Variants in GTF2E2 observed in about 807,000 individuals in gnomAD.
GTF2E2 encodes transcription initiation factor IIE subunit beta.
In GTF2E2, 21 loss-of-function variants were observed where a neutral mutation model predicts 40.5. The ratio of observed to expected loss-of-function variants is 0.52; its 90% CI spans 0.37 to 0.75. GTF2E2 has a LOEUF of 0.75. Ranked by LOEUF, GTF2E2 falls within the 30% of genes least tolerant of loss-of-function variation. GTF2E2 has a pLI of 0.00. For missense variants in GTF2E2, 298 were observed against 338.4 expected, an observed-to-expected ratio of 0.88 and a Z score of 0.94; for synonymous variants, 117 against 121.6, an observed-to-expected ratio of 0.96 and a Z score of 0.25.
rs1015708471 is a variant in GTF2E2 at position 30,583,309 on chromosome 8, G to T, written c.644-2913C>A. ...AGACTGTGCCACTGTACTCCAGCCT[G>T]GGTAACACAGCGAGACTCCATCTCA... On this transcript the variant is annotated intron_variant, in intron 6 of 7. Transcript: ENST00000355904. Among the ~76,000 whole-genome samples, 4 of 152,184 alleles carry T rather than the reference G, an allele frequency of 2.6e-5. No homozygotes were observed. The South Asian group carries it at 8.3e-4, about 32-fold the overall frequency.
chr8:30,649,686 A>C (rs1563511352), intron 2 of GTF2E2, among the ~76,000 whole-genome samples: 1 of 152,168 alleles, frequency 6.6e-6, no homozygotes, highest in Non-Finnish European at 1.5e-5. Flanking sequence ...CTCTACTAAA[A>C]ATACAAAAAT....
At chr8:30,600,067 T>G (rs749323047) in intron 6 of GTF2E2, among the ~76,000 whole-genome samples, 4 of 152,214 alleles carry the variant, frequency 2.6e-5, no homozygotes, top group Non-Finnish European at 5.9e-5. Flanking sequence ...ATAAGAATCC[T>G]GAATTCTTAA....
chr8:30,620,138 C>A (rs1020630926), intron 3 of GTF2E2, among the ~76,000 whole-genome samples: 1 of 151,930 alleles, frequency 6.6e-6, no homozygotes, highest in African/African-American at 2.4e-5. Flanking sequence ...GCCTTTTGAA[C>A]CTCCGACTTC....
chr8:30,600,045 G>A (rs902992143), intron 6 of GTF2E2, among the ~76,000 whole-genome samples: 81 of 152,162 alleles, frequency 5.3e-4, no homozygotes, highest in African/African-American at 1.9e-3. Flanking sequence ...AGACTCAAAA[G>A]TGGTAGCTAC....
chr8:30,584,163 T>C (rs528749150), intron 6 of GTF2E2, among the ~76,000 whole-genome samples: 4 of 151,728 alleles, frequency 2.6e-5, no homozygotes, highest in Non-Finnish European at 5.9e-5. Flanking sequence ...TAAGATTTCC[T>C]TCATGTTGGT....
At chr8:30,649,138 C>T (rs1238360010) in intron 2 of GTF2E2, among the ~76,000 whole-genome samples, 1 of 152,002 alleles carries the variant, frequency 6.6e-6, no homozygotes, top group Non-Finnish European at 1.5e-5. Context: ...ATTGGAACGA[C>T]ATATAAACCT....
intron 6 of GTF2E2, among the ~76,000 whole-genome samples, chr8:30,585,319 T>C (rs1221363462): frequency 6.6e-6 from 1 of 152,236 alleles, no homozygotes; most frequent in Non-Finnish European, 1.5e-5. Flanking sequence ...ACTGTTATCA[T>C]CACCATCTAA....
At chr8:30,579,889 G>A (rs1328253077) in intron 7 of GTF2E2, among the ~76,000 whole-genome samples, 1 of 152,216 alleles carries the variant, frequency 6.6e-6, no homozygotes, top group Non-Finnish European at 1.5e-5. Flanking sequence ...CCAGGCACCA[G>A]GACGGCGAGG....
intron 6 of GTF2E2, among the ~76,000 whole-genome samples, chr8:30,599,520 A>G (rs1330392946): frequency 1.3e-5 from 2 of 150,588 alleles, no homozygotes; most frequent in Admixed American, 6.6e-5. Flanking sequence ...CAGAGGTTGC[A>G]GTAAGCCGAG....
At chr8:30,585,115 G>A (rs1370996830) in intron 6 of GTF2E2, 4 of 152,516 alleles carry the variant, frequency 2.6e-5, no homozygotes, top group African/African-American at 9.7e-5. Flanking sequence ...GAGTCCGGAA[G>A]GCAGAGGTTG....
At chr8:30,650,975 C>A (rs1316659629) in intron 2 of GTF2E2, among the ~76,000 whole-genome samples, 3 of 150,096 alleles carry the variant, frequency 2.0e-5, no homozygotes, top group Non-Finnish European at 4.4e-5. Context: ...GATTGCGCCA[C>A]TGCACTCCAG....
intron 2 of GTF2E2, among the ~76,000 whole-genome samples, chr8:30,648,928 G>A (rs1415582873): frequency 3.9e-5 from 6 of 152,160 alleles, no homozygotes. Context: ...CCCTACAAGG[G>A]CTCTTCCTGC....
chr8:30,643,864 T>C (rs1425452248), intron 2 of GTF2E2: 2 of 151,634 alleles, frequency 1.3e-5, no homozygotes. Context: ...TTTCGTTAAA[T>C]GAAACACTCT....
At chr8:30,608,038 T>A (rs1041318155) in intron 5 of GTF2E2, among the ~76,000 whole-genome samples, 1 of 152,202 alleles carries the variant, frequency 6.6e-6, no homozygotes, top group Admixed American at 6.5e-5. Context: ...TTAACTTTCA[T>A]TGAGTACACC....
At chr8:30,586,532 A>G (rs1338461547) in intron 6 of GTF2E2, among the ~76,000 whole-genome samples, 1 of 152,248 alleles carries the variant, frequency 6.6e-6, no homozygotes, top group African/African-American at 2.4e-5. Context: ...CATAAATAGA[A>G]AAAATAATTC....
intron 2 of GTF2E2, chr8:30,637,120 T>C (rs1801628590): frequency 4.7e-6 from 2 of 427,694 alleles, no homozygotes; most frequent in Admixed American, 2.7e-5. Context: ...TCAAATCCAG[T>C]GTAAACCCTG....
At chr8:30,614,844 C>T (rs556458117) in intron 3 of GTF2E2, 129 bp from the exon 4 acceptor site, 18 of 598,290 alleles carry the variant, frequency 3.0e-5, no homozygotes, top group East Asian at 2.9e-4. Flanking sequence ...ATTATAGTGA[C>T]GAAGAGCCAT....
chr8:30,605,928 T>C (rs1829305146), intron 6 of GTF2E2, among the ~76,000 whole-genome samples: 1 of 152,196 alleles, frequency 6.6e-6, no homozygotes, highest in African/African-American at 2.4e-5. Flanking sequence ...CTGAAAGTGC[T>C]AGGATTAGAG....
At chr8:30,601,324 G>A (rs1203229300) in intron 6 of GTF2E2, among the ~76,000 whole-genome samples, 2 of 152,182 alleles carry the variant, frequency 1.3e-5, no homozygotes, top group Admixed American at 6.5e-5. Context: ...CCAGGAAAAG[G>A]AATCTGAAAA....
Sources: gnomAD v4.1 joint callset for allele counts (sites outside exome capture counted in the v4.1 genomes callset) on GRCh38, gnomAD v4.1.1 for gene constraint, MANE v1.5 for transcripts, NCBI Gene and HGNC (gene_info 2026-07-23, HGNC 2026-07-21) for gene names.